The following ADGRL2 variants were observed in gnomAD, a reference collection of about 807,000 sequenced individuals.
ADGRL2 encodes adhesion G protein-coupled receptor L2.
ADGRL2 carries 44 observed loss-of-function variants against 157.4 expected under a neutral mutation model. The observed-to-expected ratio is 0.28, with a 90% CI of 0.22 to 0.36. ADGRL2 has a LOEUF of 0.36. Among genes scored for constraint, ADGRL2 ranks in the 10% least tolerant of loss-of-function variants. ADGRL2 has a pLI of 1.00. For synonymous variants in ADGRL2, 585 were observed against 624.7 expected, an observed-to-expected ratio of 0.94 and a Z score of 0.95; for missense variants, 1,510 against 1,768.9, an observed-to-expected ratio of 0.85 and a Z score of 2.63.
chr1:81,985,556 A>G, intron 21 of ADGRL2: 1 of 365,684 alleles, frequency 2.7e-6, no homozygotes, highest in Non-Finnish European at 4.9e-6. Flanking sequence ...TGACCAAGAC[A>G]TTTATGAAGG....
intron 1 of ADGRL2, among the ~76,000 whole-genome samples, chr1:81,801,756 CA>C (rs1457721355): frequency 6.6e-6 from 1 of 152,168 alleles, no homozygotes; most frequent in Non-Finnish European, 1.5e-5. Flanking sequence ...CTTCGCCTGA[CA>C]AACTGAGTTG....
chr1:81,942,219 T>C (rs1648278821), intron 5 of ADGRL2, among the ~76,000 whole-genome samples, 174 bp downstream of exon 5: 1 of 151,848 alleles, frequency 6.6e-6, no homozygotes, highest in Non-Finnish European at 1.5e-5. Context: ...CTGCTAAACC[T>C]GGTGATGGGG....
chr1:81,607,247 A>T (rs982791889), intron 3 of ADGRL2, among the ~76,000 whole-genome samples: 1 of 152,170 alleles, frequency 6.6e-6, no homozygotes, highest in Non-Finnish European at 1.5e-5. Context: ...TCGAAGTTAA[A>T]CCAAAACTAT....
chr1:81,898,505 T>C lies in ADGRL2; in HGVS notation c.74-8512T>C, dbSNP rs150808841. ...AGTAAGCACAAAAAAGTAGATGTTT[T>C]AGGGTTTGATTGATAAAGGCATTTC... On this transcript the variant is annotated intron_variant, in intron 2 of 23. Transcript: ENST00000686636. Among the ~76,000 whole-genome samples, 575 of 152,314 alleles carry C rather than the reference T, an allele frequency of 3.8e-3. 3 individuals carry two copies. The highest frequency in any genetic ancestry group is 0.012 in the African/African-American group (519 of 41,574).
intron 2 of ADGRL2, among the ~76,000 whole-genome samples, chr1:81,496,379 G>A (rs1049204793): frequency 5.3e-5 from 8 of 150,312 alleles, no homozygotes; most frequent in African/African-American, 1.8e-4. Context: ...AGCAAAAAAG[G>A]GGGAGAAATC....
intron 1 of ADGRL2, among the ~76,000 whole-genome samples, chr1:81,747,763 G>T (rs2085350338): frequency 6.6e-6 from 1 of 151,788 alleles, no homozygotes; most frequent in African/African-American, 2.4e-5. Flanking sequence ...GAAGGAGTGA[G>T]AAAGAGACAA....
intron 3 of ADGRL2, among the ~76,000 whole-genome samples, chr1:81,653,578 G>A (rs1257425090): frequency 6.6e-6 from 1 of 152,050 alleles, no homozygotes; most frequent in African/African-American, 2.4e-5. Context: ...ATCCACAATG[G>A]GGTACATACC....
intron 3 of ADGRL2, among the ~76,000 whole-genome samples, chr1:81,623,940 C>G (rs1411762074): frequency 1.3e-5 from 2 of 151,948 alleles, no homozygotes; most frequent in Non-Finnish European, 2.9e-5. Flanking sequence ...CAGCTGATAT[C>G]TTTCTAAGGT....
At chr1:81,432,636 T>A (rs72940903) in intron 1 of ADGRL2, among the ~76,000 whole-genome samples, 26,356 of 152,134 alleles carry the variant, frequency 0.17, 3,248 homozygotes, top group East Asian at 0.65. Flanking sequence ...TTAAGTATAC[T>A]GAGACCATGC....
chr1:81,525,571 G>A (rs895957685), intron 2 of ADGRL2, among the ~76,000 whole-genome samples: 2 of 152,162 alleles, frequency 1.3e-5, no homozygotes, highest in Non-Finnish European at 2.9e-5. Flanking sequence ...GCCCCTTTCA[G>A]CCTCTCAAAG....
chr1:81,823,228 T>G (rs780203930), intron 1 of ADGRL2, among the ~76,000 whole-genome samples: 22 of 152,096 alleles, frequency 1.4e-4, no homozygotes, highest in Non-Finnish European at 2.6e-4. Flanking sequence ...TCCATCCACT[T>G]TGCTTTATTC....
At chr1:81,873,171 G>A (rs894270996) in intron 2 of ADGRL2, among the ~76,000 whole-genome samples, 2 of 152,036 alleles carry the variant, frequency 1.3e-5, no homozygotes, top group African/African-American at 2.4e-5. Context: ...AAGGAAAATG[G>A]AGAGATGTAA....
chr1:81,755,698 G>A (rs1498206), intron 1 of ADGRL2, among the ~76,000 whole-genome samples: 3 of 151,558 alleles, frequency 2.0e-5, no homozygotes, highest in Non-Finnish European at 4.4e-5. Context: ...AGCTGGTTTT[G>A]CTATTCTACA....
chr1:81,920,108 T>G (rs1484032976), intron 3 of ADGRL2, among the ~76,000 whole-genome samples: 1 of 152,158 alleles, frequency 6.6e-6, no homozygotes, highest in Admixed American at 6.6e-5. Flanking sequence ...CTAATTGCTC[T>G]AGAGTTTGAG....
At chr1:81,448,855 T>G (rs1192828927) in intron 2 of ADGRL2, among the ~76,000 whole-genome samples, 2 of 152,164 alleles carry the variant, frequency 1.3e-5, no homozygotes, top group Non-Finnish European at 2.9e-5. Context: ...ATTTAACTAA[T>G]TTTACTAGGG....
At chr1:81,358,991 A>G (rs146054106) in intron 1 of ADGRL2, among the ~76,000 whole-genome samples, 5 of 152,214 alleles carry the variant, frequency 3.3e-5, no homozygotes, top group African/African-American at 1.2e-4. Flanking sequence ...GGAAGAGAGA[A>G]GAGAATCCAG....
intron 2 of ADGRL2, among the ~76,000 whole-genome samples, chr1:81,491,158 T>C (rs572966047): frequency 1.2e-3 from 175 of 147,542 alleles, no homozygotes; most frequent in African/African-American, 4.4e-3. Context: ...ACATGAAACG[T>C]AGTGGACAAA....
rs1342173116 is a variant in ADGRL2, at chr1:81,970,319, A to G, written c.2739A>G (p.Ala913=). 6.2e-7 allele frequency: 1 copy of G among 1,609,622 alleles called. No homozygotes were observed. The highest frequency in any genetic ancestry group is 8.5e-7 in the Non-Finnish European group (1 of 1,178,168). Reference sequence around the variant, plus strand: ...TTTGTTCTTTTCCCCCGTAGATTGCATGCCCAATATTTGCAGGACTTCTAC... The same window carrying G: ...TTTGTTCTTTTCCCCCGTAGATTGCGTGCCCAATATTTGCAGGACTTCTAC... ...IGIDKTKYAI[A]CPIFAGLLHF... is the part of the protein sequence containing the mutation. Residue 913 remains alanine (A), a synonymous_variant, in exon 16 of 24, where the codon GCA becomes GCG. Coordinates refer to ENST00000686636, the MANE Select transcript of ADGRL2 (RefSeq NM_001366006.2).
chr1:81,366,129 T>C (rs145163994), intron 1 of ADGRL2, among the ~76,000 whole-genome samples: 4 of 152,252 alleles, frequency 2.6e-5, no homozygotes, highest in African/African-American at 9.6e-5. Context: ...TATGAAAATC[T>C]TTAGAGAGTA....
Sources: allele counts gnomAD v4.1 joint callset (sites outside exome capture counted in the v4.1 genomes callset), GRCh38; gene constraint gnomAD v4.1.1; transcripts MANE v1.5; gene names NCBI Gene and HGNC (gene_info 2026-07-23, HGNC 2026-07-21).